FHIT: variants seen among roughly 807,000 people sequenced by gnomAD.
FHIT encodes bis(5'-adenosyl)-triphosphatase.
Under a neutral mutation model 17.9 loss-of-function variants are expected in FHIT, and 19 were observed. The ratio of observed to expected loss-of-function variants is 1.06; its 90% CI spans 0.74 to 1.56. FHIT has a LOEUF of 1.56. FHIT is among the 40% of genes most tolerant of loss of function. The probability of loss-of-function intolerance (pLI) is 0.00; values close to 1 mark genes in which losing one functional copy is unlikely to be tolerated. For missense variants in FHIT, 248 were observed against 189.2 expected (o/e 1.31, Z -1.82); for synonymous variants, 81 against 69.7 (o/e 1.16, Z -0.81).
intron 5 of FHIT, among the ~76,000 whole-genome samples, chr3:60,183,844 A>G (rs1383983571): frequency 1.3e-5 from 2 of 152,156 alleles, no homozygotes; most frequent in Non-Finnish European, 2.9e-5. Flanking sequence ...ATTTTAGACT[A>G]GTTTTAAATC....
intron 1 of FHIT, among the ~76,000 whole-genome samples, chr3:61,210,395 C>T (rs886948789): frequency 2.6e-5 from 4 of 152,214 alleles, no homozygotes; most frequent in African/African-American, 9.6e-5. Flanking sequence ...CTGTGCCCGG[C>T]CCCCAGAGGT....
At chr3:60,682,584 G>T (rs1051741451) in intron 4 of FHIT, among the ~76,000 whole-genome samples, 3 of 152,164 alleles carry the variant, frequency 2.0e-5, no homozygotes, top group African/African-American at 2.4e-5. Flanking sequence ...GCCCTCTCTT[G>T]AGACCTATTG....
intron 4 of FHIT, among the ~76,000 whole-genome samples, chr3:60,606,125 C>T (rs2038600559): frequency 6.6e-6 from 1 of 152,130 alleles, no homozygotes; most frequent in Non-Finnish European, 1.5e-5. Flanking sequence ...AACTCTTTCT[C>T]CCTAACTTCC....
At chr3:61,036,914 G>GTTTTTTTTTT (rs1248064270) in intron 3 of FHIT, among the ~76,000 whole-genome samples, 5 of 127,022 alleles carry the variant, frequency 3.9e-5, no homozygotes, top group Non-Finnish European at 4.9e-5. Context: ...TTTTTTTTTT[G>GTTTTTTTTTT]TTTGTTTGTT....
chr3:60,556,049 T>G (rs541077697), intron 4 of FHIT, among the ~76,000 whole-genome samples: 2 of 152,238 alleles, frequency 1.3e-5, no homozygotes, highest in African/African-American at 4.8e-5. Context: ...TTCACTTGTA[T>G]AAGGACTTCC....
At chr3:60,727,523 C>T (rs1318504175) in intron 4 of FHIT, among the ~76,000 whole-genome samples, 3 of 152,172 alleles carry the variant, frequency 2.0e-5, no homozygotes, top group African/African-American at 7.2e-5. Flanking sequence ...AAAACTATAT[C>T]AGTATACAAT....
chr3:61,198,295 G>A (rs1576194752), intron 2 of FHIT, among the ~76,000 whole-genome samples: 1 of 152,252 alleles, frequency 6.6e-6, no homozygotes, highest in East Asian at 1.9e-4. Context: ...TGGTCTCATA[G>A]TACATGTTGG....
chr3:59,936,706 G>T (rs1706258588), intron 7 of FHIT, among the ~76,000 whole-genome samples: 1 of 152,030 alleles, frequency 6.6e-6, no homozygotes, highest in Non-Finnish European at 1.5e-5. Flanking sequence ...AATGTTAAGG[G>T]AATTAGCAAC....
intron 5 of FHIT, among the ~76,000 whole-genome samples, chr3:60,223,151 A>T (rs1704039803): frequency 1.3e-5 from 2 of 152,204 alleles, no homozygotes; most frequent in African/African-American, 4.8e-5. Flanking sequence ...GGCTCCCCTC[A>T]GGCAGAATGA....
intron 5 of FHIT, among the ~76,000 whole-genome samples, chr3:60,498,631 GTCTTTGTCAAGAAGGTCAA>G (rs1240438314): frequency 2.0e-5 from 3 of 152,092 alleles, no homozygotes; most frequent in African/African-American, 7.2e-5. Flanking sequence ...CAATCCATCT[GTCTTTGTCAAGAAGGTCAA>G]ATATTTGTAC....
At chr3:60,974,229 C>G (rs775180197) in intron 3 of FHIT, among the ~76,000 whole-genome samples, 8 of 152,150 alleles carry the variant, frequency 5.3e-5, no homozygotes, top group African/African-American at 1.9e-4. Context: ...TTACATAAAA[C>G]CTTTGCTTTG....
At chr3:60,193,663 A>G (rs951860796) in intron 5 of FHIT, among the ~76,000 whole-genome samples, 3 of 152,186 alleles carry the variant, frequency 2.0e-5, no homozygotes, top group African/African-American at 7.2e-5. Context: ...AAGCATTCAA[A>G]TATTTCTGGG....
At chr3:60,572,119 A>G (rs2255772) in intron 4 of FHIT, among the ~76,000 whole-genome samples, 59,879 of 151,818 alleles carry the variant, frequency 0.39, 12,799 homozygotes, top group East Asian at 0.59. Context: ...CAGCACCACA[A>G]GATTACCCAT....
At chr3:61,016,167 G>A (rs1324915847) in intron 3 of FHIT, among the ~76,000 whole-genome samples, 1 of 152,164 alleles carries the variant, frequency 6.6e-6, no homozygotes, top group East Asian at 1.9e-4. Flanking sequence ...TCCTAGGCAA[G>A]GCCTCTCATC....
chr3:60,535,185 C>T (rs2035936873), intron 5 of FHIT, among the ~76,000 whole-genome samples: 1 of 152,178 alleles, frequency 6.6e-6, no homozygotes, highest in Non-Finnish European at 1.5e-5. Flanking sequence ...GATTGTGCCA[C>T]TGCAACTTAG....
chr3:59,862,942 T>C (rs1702472161), intron 8 of FHIT, among the ~76,000 whole-genome samples: 1 of 152,210 alleles, frequency 6.6e-6, no homozygotes, highest in Non-Finnish European at 1.5e-5. Context: ...ATTAAATTCC[T>C]AGCACTTTCA....
intron 8 of FHIT, among the ~76,000 whole-genome samples, chr3:59,840,102 G>A (rs559894574): frequency 3.9e-5 from 6 of 152,226 alleles, no homozygotes; most frequent in African/African-American, 9.6e-5. Flanking sequence ...GTCACTCTGT[G>A]GGCTATGTTT....
chr3:61,050,519 T>A (rs186223855), intron 2 of FHIT, among the ~76,000 whole-genome samples: 6 of 152,348 alleles, frequency 3.9e-5, no homozygotes. Flanking sequence ...TTAAATGTGA[T>A]GATGGCATGG....
intron 4 of FHIT, among the ~76,000 whole-genome samples, chr3:60,664,708 G>GT (rs575588178): frequency 0.075 from 9,927 of 132,356 alleles, 427 homozygotes; most frequent in African/African-American, 0.13. Context: ...AGTTTAGCTA[G>GT]TTTTTTTTTT....
Sources: gnomAD v4.1 joint callset for allele counts (sites outside exome capture counted in the v4.1 genomes callset) on GRCh38, gnomAD v4.1.1 for gene constraint, MANE v1.5 for transcripts, NCBI Gene and HGNC (gene_info 2026-07-23, HGNC 2026-07-21) for gene names.